TENM2: variants seen among roughly 807,000 people sequenced by gnomAD.
TENM2 encodes the protein teneurin transmembrane protein 2, also known as teneurin-2.
In TENM2, 52 loss-of-function variants were observed where a neutral mutation model predicts 245.2. The observed-to-expected ratio is 0.21, with a 90% CI of 0.17 to 0.27. The LOEUF is 0.27. Among genes scored for constraint, TENM2 ranks in the 10% least tolerant of loss-of-function variants. The pLI is 1.00. For missense variants in TENM2, 3,046 were observed against 3,666.8 expected (o/e 0.83, Z 4.37); for synonymous variants, 1,363 against 1,438.9 (o/e 0.95, Z 1.19).
At chr5:167,808,914 C>T (rs1217533452) in intron 2 of TENM2, among the ~76,000 whole-genome samples, 1 of 152,168 alleles carries the variant, frequency 6.6e-6, no homozygotes, top group Non-Finnish European at 1.5e-5. Context: ...AAAATGCACT[C>T]ATTTGCAAGA....
chr5:167,781,155 G>T (rs1179551427), intron 2 of TENM2, among the ~76,000 whole-genome samples: 1 of 151,996 alleles, frequency 6.6e-6, no homozygotes, highest in Non-Finnish European at 1.5e-5. Flanking sequence ...TACAAAAAAT[G>T]CACATGTTAG....
At chr5:168,057,855 C>T (rs549635704) in intron 6 of TENM2, among the ~76,000 whole-genome samples, 7 of 152,048 alleles carry the variant, frequency 4.6e-5, no homozygotes, top group South Asian at 4.2e-4. Flanking sequence ...TGAGGGGAGT[C>T]GGTGGGAGAG....
At chr5:167,363,257 A>G (rs1179977768) in intron 1 of TENM2, among the ~76,000 whole-genome samples, 3 of 152,216 alleles carry the variant, frequency 2.0e-5, no homozygotes, top group Admixed American at 2.0e-4. Flanking sequence ...CAACAAGGAC[A>G]TGAAACTGAG....
intron 1 of TENM2, among the ~76,000 whole-genome samples, chr5:167,374,648 A>C (rs1295389950): frequency 6.6e-6 from 1 of 152,076 alleles, no homozygotes. Flanking sequence ...TATTCATTAG[A>C]GGGTTAACGC....
At chr5:167,349,797 A>G (rs1758709611) in intron 1 of TENM2, among the ~76,000 whole-genome samples, 1 of 152,156 alleles carries the variant, frequency 6.6e-6, no homozygotes, top group African/African-American at 2.4e-5. Context: ...TTTCTTTCAC[A>G]TTAAAAAAGT....
chr5:167,185,104 C>T, the TENM2 span, among the ~76,000 whole-genome samples: 1 of 152,188 alleles, frequency 6.6e-6, no homozygotes, highest in Admixed American at 6.6e-5. Flanking sequence ...TTCATACACA[C>T]ATATGTTAGA....
intron 2 of TENM2, among the ~76,000 whole-genome samples, chr5:167,765,792 A>T (rs771565940): frequency 5.3e-5 from 8 of 152,186 alleles, no homozygotes; most frequent in Non-Finnish European, 1.0e-4. Flanking sequence ...CACCGGACAC[A>T]TTCTTTCTAA....
At position 168,223,361 on chromosome 5, in the gene TENM2, C is replaced by T. The variant is rs60583187; in HGVS notation, c.5109-2727C>T. 0.019 allele frequency among the ~76,000 whole-genome samples: 2,833 copies of T among 152,176 alleles called. 163 individuals are homozygous for T. In the East Asian group the frequency reaches 0.24, roughly 13 times the overall value. On this transcript the variant is annotated intron_variant, in intron 23 of 28. Transcript: ENST00000518659. ...GGAGAAACTGTCTGTTACTGAGTAC[C>T]GCACTAGACACCCCGTATCCAAATA...
At position 167,433,446 on chromosome 5, in the gene TENM2, ATTCT is replaced by A. The variant is rs1764364990; in HGVS notation, c.502+57978_502+57981del. On this transcript the variant is annotated intron_variant, in intron 2 of 28. Transcript: ENST00000518659. ...GGTGGAGATTAAGACTAATATGTAG[ATTCT>A]TTCTGTTTATGCTGTTACTCTTTCA... 2.6e-5 allele frequency among the ~76,000 whole-genome samples: 4 copies of A among 152,120 alleles called. No individual in the cohort carries two copies. The South Asian group carries it at 6.2e-4, about 24-fold the overall frequency.
chr5:167,163,652 A>G, the TENM2 span, among the ~76,000 whole-genome samples: 2 of 152,138 alleles, frequency 1.3e-5, no homozygotes, highest in African/African-American at 2.4e-5. Context: ...CAGCTCTTCC[A>G]TGGGGACTGC....
At chr5:167,905,687 A>G (rs1272951257) in intron 3 of TENM2, among the ~76,000 whole-genome samples, 3 of 152,228 alleles carry the variant, frequency 2.0e-5, no homozygotes, top group African/African-American at 7.2e-5. Context: ...TTTGGACAAA[A>G]GTGGAGAAAA....
the TENM2 span, among the ~76,000 whole-genome samples, chr5:167,011,336 A>G: frequency 6.6e-6 from 1 of 152,204 alleles, no homozygotes; most frequent in Non-Finnish European, 1.5e-5. Context: ...TAAAGACTGT[A>G]TCACACAAAG....
At chr5:167,702,899 A>AGG (rs1758262098) in intron 2 of TENM2, among the ~76,000 whole-genome samples, 1 of 151,802 alleles carries the variant, frequency 6.6e-6, no homozygotes, top group Non-Finnish European at 1.5e-5. Flanking sequence ...TCCTGACCCC[A>AGG]TGATTCGCCC....
chr5:167,778,846 T>A (rs759527260), intron 2 of TENM2, among the ~76,000 whole-genome samples: 21 of 152,198 alleles, frequency 1.4e-4, no homozygotes, highest in Non-Finnish European at 2.6e-4. Context: ...AGATTTAGTT[T>A]GGGGAAGCAA....
chr5:167,775,109 C>T (rs1419706840), intron 2 of TENM2, among the ~76,000 whole-genome samples: 8 of 152,130 alleles, frequency 5.3e-5, no homozygotes, highest in Non-Finnish European at 1.5e-5. Flanking sequence ...TGCTGGATTA[C>T]AGGCGTGCAC....
At chr5:168,116,081 T>A (rs959930696) in intron 9 of TENM2, among the ~76,000 whole-genome samples, 1 of 152,224 alleles carries the variant, frequency 6.6e-6, no homozygotes, top group Non-Finnish European at 1.5e-5. Flanking sequence ...CATATTTGCA[T>A]GTTCCCTAAT....
the TENM2 span, among the ~76,000 whole-genome samples, chr5:167,224,460 T>A: frequency 1.3e-5 from 2 of 152,006 alleles, no homozygotes; most frequent in African/African-American, 2.4e-5. Context: ...TTCCGCAATA[T>A]CTGTTTTTGA....
At chr5:167,304,750 A>AAT (rs1755565893) in intron 1 of TENM2, among the ~76,000 whole-genome samples, 1 of 152,006 alleles carries the variant, frequency 6.6e-6, no homozygotes, top group Admixed American at 6.6e-5. Context: ...ATCCTGGTTG[A>AAT]ATTTTTTTGT....
At chr5:167,670,453 CTCTCTCTG>C (rs1392740678) in intron 2 of TENM2, among the ~76,000 whole-genome samples, 2 of 152,016 alleles carry the variant, frequency 1.3e-5, no homozygotes, top group Non-Finnish European at 2.9e-5. Flanking sequence ...GATATTTATT[CTCTCTCTG>C]TCTCTCTCTC....
Sources: allele counts gnomAD v4.1 joint callset (sites outside exome capture counted in the v4.1 genomes callset), GRCh38; gene constraint gnomAD v4.1.1; transcripts MANE v1.5; gene names NCBI Gene and HGNC (gene_info 2026-07-23, HGNC 2026-07-21).